Variants in FKBP5 observed in about 807,000 individuals in gnomAD.
FKBP5 encodes peptidyl-prolyl cis-trans isomerase FKBP5.
A neutral mutation model predicts 50.5 loss-of-function variants in FKBP5; 23 were observed. The observed-to-expected ratio is 0.46, with a 90% CI of 0.33 to 0.65. FKBP5 has a LOEUF of 0.65. Among genes scored for constraint, FKBP5 ranks in the 30% least tolerant of loss-of-function variants. The pLI is 0.02. For missense variants in FKBP5, 411 were observed against 553.1 expected (o/e 0.74, Z 2.58); for synonymous variants, 176 against 190.6 (o/e 0.92, Z 0.63).
chr6:35,670,333 A>T lies in FKBP5; in HGVS notation c.-20+18471T>A, dbSNP rs1463019107. 2.6e-5 allele frequency among the ~76,000 whole-genome samples: 4 copies of T among 152,338 alleles called. No individual in the cohort carries two copies. The East Asian group carries it at 7.7e-4, about 29-fold the overall frequency. ...TCAAAACTTAAAATTACTAAATTAG[A>T]GACACAGAATTAGGAGGATTCAAAA... On this transcript the variant is annotated intron_variant, in intron 1 of 10. Transcript: ENST00000357266.
intron 2 of FKBP5, among the ~76,000 whole-genome samples, chr6:35,701,625 A>C (rs1766191889): frequency 6.6e-6 from 1 of 151,434 alleles, no homozygotes; most frequent in South Asian, 2.1e-4. Flanking sequence ...CTGCAGCCTC[A>C]ACCTCCCTTG....
intron 1 of FKBP5, among the ~76,000 whole-genome samples, chr6:35,661,770 C>CA (rs767195179): frequency 0.061 from 2,028 of 33,250 alleles, 519 homozygotes; most frequent in African/African-American, 0.16. Flanking sequence ...AACTCCGTCT[C>CA]AAAAAAAAAA....
At chr6:35,672,268 A>T (rs1296843312) in intron 1 of FKBP5, among the ~76,000 whole-genome samples, 1 of 152,174 alleles carries the variant, frequency 6.6e-6, no homozygotes, top group East Asian at 1.9e-4. Flanking sequence ...GGGGGGAAAA[A>T]ATCCCCTTTT....
At chr6:35,667,013 G>C (rs1765251983) in intron 1 of FKBP5, among the ~76,000 whole-genome samples, 2 of 85,004 alleles carry the variant, frequency 2.4e-5, no homozygotes, top group Non-Finnish European at 4.6e-5. Flanking sequence ...TGTTTTGTGT[G>C]TGTGTCTGTG....
At chr6:35,663,776 G>A (rs781244376) in intron 1 of FKBP5, among the ~76,000 whole-genome samples, 6 of 152,084 alleles carry the variant, frequency 3.9e-5, no homozygotes, top group African/African-American at 7.2e-5. Context: ...TACTGTTACC[G>A]GAAATAAAAG....
At chr6:35,577,269 A>T (rs766453660) in intron 9 of FKBP5, 36 bp from the exon 10 acceptor site, 47 of 1,511,956 alleles carry the variant, frequency 3.1e-5, no homozygotes, top group Non-Finnish European at 4.2e-5. Flanking sequence ...GAAAGGACGA[A>T]TTTTAATAAA....
At chr6:35,677,028 A>G (rs1313424829) in intron 1 of FKBP5, among the ~76,000 whole-genome samples, 1 of 152,210 alleles carries the variant, frequency 6.6e-6, no homozygotes, top group African/African-American at 2.4e-5. Flanking sequence ...GTAATGAAAT[A>G]GAGTGTCACG....
At chr6:35,619,993 A>G (rs1763782477) in intron 4 of FKBP5, 139 bp downstream of exon 4, 3 of 1,064,092 alleles carry the variant, frequency 2.8e-6, no homozygotes, top group Non-Finnish European at 4.1e-6. Context: ...GAAACAATTC[A>G]AGAAGCCATG....
At chr6:35,713,121 G>GA (rs1182014146) in intron 2 of FKBP5, among the ~76,000 whole-genome samples, 2 of 129,638 alleles carry the variant, frequency 1.5e-5, no homozygotes, top group African/African-American at 5.8e-5. Flanking sequence ...AAGAAAGAAA[G>GA]AAAAAAATCT....
intron 2 of FKBP5, among the ~76,000 whole-genome samples, chr6:35,710,458 T>G (rs568799257): frequency 1.9e-4 from 29 of 151,426 alleles, no homozygotes; most frequent in African/African-American, 6.8e-4. Context: ...CAGAGTGAGA[T>G]CTTGTCTCAA....
At chr6:35,619,010 T>C in intron 5 of FKBP5, 86 bp downstream of exon 5, 1 of 910,266 alleles carries the variant, frequency 1.1e-6, no homozygotes, top group Non-Finnish European at 1.8e-6. Context: ...TATTCATTTC[T>C]ACAAACATTT....
At chr6:35,624,103 G>A (rs1028164141) in intron 3 of FKBP5, among the ~76,000 whole-genome samples, 3 of 152,110 alleles carry the variant, frequency 2.0e-5, no homozygotes, top group Non-Finnish European at 2.9e-5. Flanking sequence ...GAGTGGCTGA[G>A]ACTACAGGCA....
intron 1 of FKBP5, among the ~76,000 whole-genome samples, chr6:35,662,268 T>G (rs568569679): frequency 2.4e-5 from 3 of 123,658 alleles, no homozygotes. Context: ...GAGCATTTAT[T>G]TACGTGTCTT....
At chr6:35,725,474 A>C (rs753702784) in intron 1 of FKBP5, among the ~76,000 whole-genome samples, 31 of 152,182 alleles carry the variant, frequency 2.0e-4, no homozygotes, top group Non-Finnish European at 2.6e-4. Flanking sequence ...CCACAGCTTT[A>C]GAGGCAGTTT....
At chr6:35,712,095 G>A (rs1766426895) in intron 2 of FKBP5, among the ~76,000 whole-genome samples, 1 of 150,846 alleles carries the variant, frequency 6.6e-6, no homozygotes, top group African/African-American at 2.4e-5. Context: ...GCCCAGGCTG[G>A]CCTCAAACTT....
intron 3 of FKBP5, among the ~76,000 whole-genome samples, chr6:35,628,326 T>C (rs77772634): frequency 5.3e-5 from 8 of 152,160 alleles, no homozygotes; most frequent in Non-Finnish European, 1.0e-4. Context: ...TATGAGCATC[T>C]TGAACACACT....
At chr6:35,725,977 A>ACACTCTGTACCCTGTTCC (rs1401829489) in intron 1 of FKBP5, among the ~76,000 whole-genome samples, 1 of 152,182 alleles carries the variant, frequency 6.6e-6, no homozygotes, top group African/African-American at 2.4e-5. Flanking sequence ...ATCCCTGCTC[A>ACACTCTGTACCCTGTTCC]CACTCTGTAC....
rs1390955232 is a variant in FKBP5, at chr6:35,612,670, A to G, written c.508+6426T>C. Among the ~76,000 whole-genome samples the G allele has an allele frequency of 6.6e-5, 10 of 152,368 alleles. No individual in the cohort carries two copies. The South Asian group carries it at 1.2e-3, about 19-fold the overall frequency. Reference sequence around the variant, plus strand: ...TTACAATCATGGCAGAAGGGGAAGCAAACACACCCTTCTTCACATGGCGGC... The same window carrying G: ...TTACAATCATGGCAGAAGGGGAAGCGAACACACCCTTCTTCACATGGCGGC... On this transcript the variant is annotated intron_variant, in intron 5 of 10. Coordinates refer to ENST00000357266, the MANE Select transcript of FKBP5 (RefSeq NM_004117.4).
chr6:35,658,311 G>A (rs925306952), intron 1 of FKBP5, among the ~76,000 whole-genome samples: 28 of 151,734 alleles, frequency 1.8e-4, no homozygotes, highest in Non-Finnish European at 3.7e-4. Flanking sequence ...AGGAGGCAGA[G>A]CTTGCAGTGA....
Sources: gnomAD v4.1 joint callset for allele counts (sites outside exome capture counted in the v4.1 genomes callset) on GRCh38, gnomAD v4.1.1 for gene constraint, MANE v1.5 for transcripts, NCBI Gene and HGNC (gene_info 2026-07-23, HGNC 2026-07-21) for gene names.